ANKRD36C: variants seen among roughly 807,000 people sequenced by gnomAD.
ANKRD36C encodes ankyrin repeat domain-containing protein 36C.
Under a neutral mutation model 276.4 loss-of-function variants are expected in ANKRD36C, and 61 were observed. The ratio of observed to expected loss-of-function variants is 0.22; its 90% CI spans 0.18 to 0.27. ANKRD36C has a LOEUF of 0.27. ANKRD36C is among the 10% of genes least tolerant of loss of function. ANKRD36C has a pLI of 1.00. For synonymous variants in ANKRD36C, 483 were observed against 680.1 expected (o/e 0.71, Z 4.51); for missense variants, 1,447 against 2,032.3 (o/e 0.71, Z 5.54).
intron 24 of ANKRD36C, among the ~76,000 whole-genome samples, chr2:95,931,616 C>T (rs1677573094): frequency 1.4e-5 from 2 of 143,746 alleles, no homozygotes; most frequent in African/African-American, 5.1e-5. Flanking sequence ...CTTGATGCAC[C>T]AAAATCTTCA....
chr2:95,976,422 G>A (rs1379805788), intron 6 of ANKRD36C, among the ~76,000 whole-genome samples: 1 of 152,114 alleles, frequency 6.6e-6, no homozygotes, highest in Non-Finnish European at 1.5e-5. Context: ...TATGTGCTTT[G>A]GACAAGGTGG....
chr2:95,923,535 A>G, exon 32 of ANKRD36C: 1 of 1,611,028 alleles, frequency 6.2e-7, no homozygotes, highest in Non-Finnish European at 8.5e-7. Context: ...CTGTAGCTAT[A>G]TTCAAAGCAG....
intron 58 of ANKRD36C, among the ~76,000 whole-genome samples, chr2:95,878,900 G>C (rs1476368710): frequency 1.3e-5 from 2 of 152,120 alleles, no homozygotes; most frequent in African/African-American, 4.8e-5. Context: ...GAACAGTATA[G>C]AGTCCTCAAA....
chr2:95,893,411 G>C (rs1006095729), intron 44 of ANKRD36C, 122 bp downstream of exon 64: 2 of 1,380,068 alleles, frequency 1.4e-6, no homozygotes, highest in Non-Finnish European at 9.8e-7. Flanking sequence ...TACAAATGAA[G>C]AATCTCCGGC....
intron 3 of ANKRD36C, among the ~76,000 whole-genome samples, chr2:95,983,174 T>C (rs1003700032): frequency 1.7e-4 from 26 of 151,350 alleles, no homozygotes; most frequent in Non-Finnish European, 3.0e-4. Context: ...TCTGACACGA[T>C]TGACAGTTCA....
intron 16 of ANKRD36C, 150 bp from the exon 17 acceptor site, chr2:95,948,746 C>A (rs1678122279): frequency 3.0e-6 from 2 of 662,014 alleles, no homozygotes; most frequent in South Asian, 4.7e-5. Flanking sequence ...AATAATATTT[C>A]TTGGTATAAT....
Position 95,892,863 on chromosome 2 carries a change from T to C in ANKRD36C, c.2756-1003A>G, listed in dbSNP as rs557955631. Among the ~76,000 whole-genome samples the C allele has an allele frequency of 2.5e-3, 375 of 151,462 alleles. 2 individuals are homozygous for C. The highest frequency in any genetic ancestry group is 8.7e-3 in the African/African-American group (362 of 41,440). Reference sequence around the variant, plus strand: ...AAATCAACAAAACATGTATCTCTGATGCCTAATAGTAACAAAGAGGAGTAA... The same window carrying C: ...AAATCAACAAAACATGTATCTCTGACGCCTAATAGTAACAAAGAGGAGTAA... On this transcript the variant is annotated intron_variant, in intron 44 of 66. Coordinates refer to ENST00000456556, the Ensembl canonical transcript of ANKRD36C.
intron 8 of ANKRD36C, among the ~76,000 whole-genome samples, chr2:95,961,070 C>A (rs899923759): frequency 1.3e-5 from 2 of 152,084 alleles, no homozygotes; most frequent in African/African-American, 4.8e-5. Context: ...GGGATTTATA[C>A]CATTATACTA....
rs749132758 is a variant in ANKRD36C, at chr2:95,908,680, G to C, written c.2653+3564C>G. ...GACAGTTTCATTACCTTCAAGCCTGGTGGTTGCTCAGAAGACACTGAAAAG... is the reference window on the plus strand; with the variant it reads ...GACAGTTTCATTACCTTCAAGCCTGCTGGTTGCTCAGAAGACACTGAAAAG... On this transcript the variant is annotated intron_variant, in intron 42 of 66. Transcript: ENST00000456556. The C allele has an allele frequency of 7.0e-6, 11 of 1,561,282 alleles. 1 individual carries two copies. The Middle Eastern group carries it at 7.0e-4, about 99-fold the overall frequency.
At chr2:95,916,736 T>C (rs1677108315) in intron 36 of ANKRD36C, among the ~76,000 whole-genome samples, 1 of 151,674 alleles carries the variant, frequency 6.6e-6, no homozygotes, top group Admixed American at 6.6e-5. Context: ...TAGATAATAT[T>C]CATTATCTCT....
intron 6 of ANKRD36C, among the ~76,000 whole-genome samples, chr2:95,964,771 C>T (rs1371336576): frequency 6.6e-6 from 1 of 151,990 alleles, no homozygotes; most frequent in Non-Finnish European, 1.5e-5. Flanking sequence ...CCTATCTTAC[C>T]TATTTTCCTC....
chr2:95,936,581 CGA>C (rs1677723498), intron 22 of ANKRD36C, among the ~76,000 whole-genome samples: 1 of 152,118 alleles, frequency 6.6e-6, no homozygotes, highest in African/African-American at 2.4e-5. Flanking sequence ...ATATTCTGTT[CGA>C]GTGCGAATAT....
chr2:95,894,035 A>G (rs893504968), intron 44 of ANKRD36C, among the ~76,000 whole-genome samples: 4 of 151,652 alleles, frequency 2.6e-5, no homozygotes, highest in African/African-American at 9.6e-5. Context: ...CTAAAATCAG[A>G]GGAGCAACTC....
At chr2:95,916,401 T>C (rs1408338555) in intron 36 of ANKRD36C, among the ~76,000 whole-genome samples, 1 of 151,576 alleles carries the variant, frequency 6.6e-6, no homozygotes, top group Non-Finnish European at 1.5e-5. Flanking sequence ...TGATTTGTCA[T>C]GTGTCGAAAA....
chr2:95,893,903 C>G (rs1349633914), intron 44 of ANKRD36C, among the ~76,000 whole-genome samples, 179 bp from the exon 63 acceptor site: 1 of 151,476 alleles, frequency 6.6e-6, no homozygotes, highest in Non-Finnish European at 1.5e-5. Flanking sequence ...AAAGGGAATA[C>G]AGGCTCCATG....
intron 6 of ANKRD36C, among the ~76,000 whole-genome samples, chr2:95,968,355 A>C (rs968565949): frequency 1.3e-5 from 2 of 152,178 alleles, no homozygotes; most frequent in Non-Finnish European, 2.9e-5. Flanking sequence ...TTGTTACCTT[A>C]TATGTGAATT....
chr2:95,913,456 G>C (rs1305961779), intron 40 of ANKRD36C, among the ~76,000 whole-genome samples: 1 of 151,352 alleles, frequency 6.6e-6, no homozygotes, highest in East Asian at 2.0e-4. Context: ...TAGTAACCAA[G>C]AGGAGTAATG....
intron 1 of ANKRD36C, among the ~76,000 whole-genome samples, chr2:95,990,802 G>T (rs1346477320): frequency 6.6e-6 from 1 of 152,122 alleles, no homozygotes; most frequent in African/African-American, 2.4e-5. Flanking sequence ...AGAATTTTTA[G>T]TCAGGAAGTT....
rs1676705565 is a variant in ANKRD36C, at chr2:95,903,101, C to G, written c.2654-3765G>C. ...AAGACACTGAAAAGTAAAAGGGATT[C>G]ATAATCACTCATATGTAAAAATGAC... On this transcript the variant is annotated intron_variant, in intron 42 of 66. Coordinates refer to ENST00000456556, the Ensembl canonical transcript of ANKRD36C. 1 of 1,556,158 alleles carries G rather than the reference C, an allele frequency of 6.4e-7. No individual in the cohort carries two copies. Among genetic ancestry groups the G allele is most frequent in the African/African-American group, 1.4e-5 (1 of 72,918 alleles).
Sources: allele counts gnomAD v4.1 joint callset (sites outside exome capture counted in the v4.1 genomes callset), GRCh38; gene constraint gnomAD v4.1.1; transcripts MANE v1.5; gene names NCBI Gene and HGNC (gene_info 2026-07-23, HGNC 2026-07-21).